Variants in TRAK1 observed in about 807,000 individuals in gnomAD.
TRAK1 encodes trafficking kinesin-binding protein 1.
Under a neutral mutation model 92.1 loss-of-function variants are expected in TRAK1, and 33 were observed. The ratio of observed to expected loss-of-function variants is 0.36; its 90% CI spans 0.27 to 0.48. The LOEUF is 0.48. TRAK1 is among the 20% of genes least tolerant of loss of function. TRAK1 has a pLI of 0.99. For missense variants in TRAK1, 1,123 were observed against 1,257.9 expected (o/e 0.89, Z 1.62); for synonymous variants, 521 against 517.3 (o/e 1.01, Z -0.10).
At chr3:42,094,804 G>GTGGA (rs1705656728) in intron 1 of TRAK1, among the ~76,000 whole-genome samples, 2 of 152,220 alleles carry the variant, frequency 1.3e-5, no homozygotes. Context: ...TTACTTGATG[G>GTGGA]TGGAGGCTGA....
upstream of TRAK1, among the ~76,000 whole-genome samples, chr3:42,083,358 C>T (rs971452157): frequency 6.6e-6 from 1 of 152,070 alleles, no homozygotes; most frequent in African/African-American, 2.4e-5. Flanking sequence ...TAAGTGTTCC[C>T]GGTTTAATTT....
At position 42,208,799 on chromosome 3, in the gene TRAK1, A is replaced by G. The variant is rs1708630977; in HGVS notation, c.1745-968A>G. 2.6e-5 allele frequency among the ~76,000 whole-genome samples: 4 copies of G among 152,346 alleles called. No individual in the cohort carries two copies. The South Asian group carries it at 8.3e-4, about 32-fold the overall frequency. On this transcript the variant is annotated intron_variant, in intron 13 of 15. Coordinates refer to ENST00000327628, the MANE Select transcript of TRAK1 (RefSeq NM_001042646.3). ...GCCCTGCCAGCCTCACGGGCCATGC[A>G]CTAGCATGGTGTCATGTGAGGTGTT...
At chr3:42,069,944 C>T (rs943129414) in intron 1 of TRAK1, among the ~76,000 whole-genome samples, 7 of 151,794 alleles carry the variant, frequency 4.6e-5, no homozygotes, top group South Asian at 2.1e-4. Flanking sequence ...TGCTGCCTCC[C>T]GGGTTCAAGC....
chr3:42,207,035 G>T (rs1406805699), intron 13 of TRAK1, among the ~76,000 whole-genome samples: 1 of 152,172 alleles, frequency 6.6e-6, no homozygotes, highest in Non-Finnish European at 1.5e-5. Context: ...AGGATGAGGA[G>T]GTTGGCATTT....
chr3:42,160,282 G>T (rs971009642), intron 2 of TRAK1: 21 of 1,575,542 alleles, frequency 1.3e-5, no homozygotes, highest in Admixed American at 1.7e-5. Context: ...GGCCTGCATG[G>T]CTCCTCTGGG....
intron 1 of TRAK1, among the ~76,000 whole-genome samples, chr3:42,120,671 C>T (rs1709734135): frequency 6.6e-6 from 1 of 152,152 alleles, no homozygotes; most frequent in Non-Finnish European, 1.5e-5. Flanking sequence ...CCTTAGCCTC[C>T]CAAGTAGCTG....
At chr3:42,107,003 C>T (rs1707655155) in intron 1 of TRAK1, among the ~76,000 whole-genome samples, 1 of 152,152 alleles carries the variant, frequency 6.6e-6, no homozygotes, top group Non-Finnish European at 1.5e-5. Flanking sequence ...CCTAATGTGG[C>T]ACTTAACTTT....
intron 1 of TRAK1, among the ~76,000 whole-genome samples, chr3:42,039,031 T>G (rs572145384): frequency 1.3e-5 from 2 of 152,190 alleles, no homozygotes; most frequent in South Asian, 2.1e-4. Flanking sequence ...TTTTAGAACA[T>G]TTTATCCCAC....
chr3:42,202,345 G>A lies in TRAK1; in HGVS notation c.1428-91G>A. ...CCCATGGAGAATCCTGTAGCCCCAG[G>A]GAACGTCCACCGCTGTGCATTGAGC... On this transcript the variant is annotated intron_variant, in intron 12 of 15. Coordinates refer to ENST00000327628, the MANE Select transcript of TRAK1 (RefSeq NM_001042646.3). This position sits in a 1 kb window ranked among gnomAD's most constrained non-coding sequence, Gnocchi z 6.1. 7.8e-7 allele frequency: 1 copy of A among 1,281,280 alleles called. No individual in the cohort carries two copies. The highest frequency in any genetic ancestry group is 1.0e-6 in the Non-Finnish European group (1 of 990,266). 79.4% of individuals were successfully genotyped at this position (1,281,280 alleles called of 1,614,324 possible).
chr3:42,124,311 T>C (rs1710286091), intron 1 of TRAK1, among the ~76,000 whole-genome samples: 1 of 152,224 alleles, frequency 6.6e-6, no homozygotes, highest in Admixed American at 6.5e-5. Flanking sequence ...GCTGTTCCCA[T>C]GGGCTGTTTC....
chr3:42,184,103 A>T (rs562187121), intron 3 of TRAK1, among the ~76,000 whole-genome samples: 66 of 152,312 alleles, frequency 4.3e-4, no homozygotes, highest in African/African-American at 1.5e-3. Flanking sequence ...TAAGTAAAAA[A>T]ACAGAAAAGC....
At position 42,224,257 on chromosome 3, in the gene TRAK1, C is replaced by T. The variant is rs1161873400; in HGVS notation, c.*520C>T. The T allele has an allele frequency of 8.9e-6, 3 of 337,760 alleles. No homozygotes were observed. The highest frequency in any genetic ancestry group is 4.7e-5 in the Admixed American group (1 of 21,196). 20.9% of individuals were successfully genotyped at this position (337,760 alleles called of 1,614,324 possible). On this transcript the variant is annotated 3_prime_UTR_variant, in exon 16 of 16. Coordinates refer to ENST00000327628, the MANE Select transcript of TRAK1 (RefSeq NM_001042646.3). ...GTGCAGCTGACGTGGCTTTCCTGAT[C>T]GGAGGGCTTTTCTTTTATGGGTGGC... is the stretch of plus-strand genomic sequence containing the variant.
chr3:42,030,435 G>A (rs1483587164), intron 1 of TRAK1, among the ~76,000 whole-genome samples: 1 of 150,038 alleles, frequency 6.7e-6, no homozygotes, highest in African/African-American at 2.4e-5. Flanking sequence ...CACTTTGGGA[G>A]GCCGAGGTGG....
At chr3:42,208,164 T>C (rs1306921068) in intron 13 of TRAK1, among the ~76,000 whole-genome samples, 2 of 152,170 alleles carry the variant, frequency 1.3e-5, no homozygotes, top group African/African-American at 4.8e-5. Context: ...TTCTTATTTC[T>C]TTTTTTCTTG....
intron 2 of TRAK1, among the ~76,000 whole-genome samples, chr3:42,134,196 C>T (rs1186446569): frequency 1.0e-5 from 1 of 99,206 alleles, no homozygotes; most frequent in Non-Finnish European, 2.0e-5. Flanking sequence ...TTCCCCCTCC[C>T]CTTCCCCTTC....
intron 1 of TRAK1, among the ~76,000 whole-genome samples, chr3:42,100,657 C>G (rs1706617513): frequency 6.6e-6 from 1 of 152,124 alleles, no homozygotes; most frequent in Non-Finnish European, 1.5e-5. Context: ...AGTGATTGTA[C>G]TTTACAAGAC....
rs201746740 is a variant in TRAK1 at position 42,055,026 on chromosome 3, TCTC to T, written c.-518-32075_-518-32073del. Among the ~76,000 whole-genome samples, 920 of 149,530 alleles carry T rather than the reference TCTC, an allele frequency of 6.2e-3. 7 individuals carry two copies. Among genetic ancestry groups the T allele is most frequent in the African/African-American group, 0.021 (852 of 40,720 alleles). ...TCTCTGCCTTCCAGGTTCAGGAAATTCTCCTGTCTCAGCCTCCATAGTAGCTGG... is the reference window on the plus strand; with the variant it reads ...TCTCTGCCTTCCAGGTTCAGGAAATTCTGTCTCAGCCTCCATAGTAGCTGG... On this transcript the variant is annotated intron_variant, in intron 1 of 16. Coordinates refer to the TRAK1 transcript ENST00000487159.
intron 1 of TRAK1, among the ~76,000 whole-genome samples, chr3:42,039,040 A>G (rs776859450): frequency 7.2e-5 from 11 of 152,092 alleles, no homozygotes; most frequent in Non-Finnish European, 1.6e-4. Context: ...ATTTTATCCC[A>G]CGTAAAACAT....
intron 15 of TRAK1, 82 bp from the exon 16 acceptor site, chr3:42,222,860 C>G (rs541089793): frequency 5.4e-6 from 8 of 1,491,852 alleles, no homozygotes; most frequent in Middle Eastern, 1.9e-4. Flanking sequence ...GTCCCTACCC[C>G]CCCTGCAGGA....
Sources: allele counts gnomAD v4.1 joint callset (sites outside exome capture counted in the v4.1 genomes callset), GRCh38; gene constraint gnomAD v4.1.1; non-coding constraint Gnocchi (gnomAD v3.1); transcripts MANE v1.5; gene names NCBI Gene and HGNC (gene_info 2026-07-23, HGNC 2026-07-21).